PHACTR1: variants seen among roughly 807,000 people sequenced by gnomAD.
PHACTR1 encodes the protein RPEL repeat containing 1.
In PHACTR1, 16 loss-of-function variants were observed where a neutral mutation model predicts 69.2. That is an observed-to-expected ratio of 0.23 (90% CI 0.16 to 0.35). PHACTR1 has a LOEUF of 0.35. Ranked by LOEUF, PHACTR1 falls within the 10% of genes least tolerant of loss-of-function variation. The probability of loss-of-function intolerance (pLI) is 1.00; values close to 1 mark genes in which losing one functional copy is unlikely to be tolerated. For synonymous variants in PHACTR1, 312 were observed against 284.5 expected (o/e 1.10, Z -0.97); for missense variants, 510 against 734.7 (o/e 0.69, Z 3.54).
At chr6:12,995,249 A>G (rs1336010760) in intron 4 of PHACTR1, among the ~76,000 whole-genome samples, 1 of 151,950 alleles carries the variant, frequency 6.6e-6, no homozygotes, top group African/African-American at 2.4e-5. Flanking sequence ...CTATTAAAAA[A>G]AAAAAACAGA....
At chr6:12,889,508 C>T (rs1582309667) in intron 4 of PHACTR1, among the ~76,000 whole-genome samples, 1 of 152,162 alleles carries the variant, frequency 6.6e-6, no homozygotes, top group South Asian at 2.1e-4. Flanking sequence ...ATTTTGTCGG[C>T]CTTCTCTCAA....
chr6:13,236,021 A>C (rs1259637999), intron 10 of PHACTR1, among the ~76,000 whole-genome samples: 1 of 152,102 alleles, frequency 6.6e-6, no homozygotes, highest in Non-Finnish European at 1.5e-5. Context: ...CCTCCCTGAC[A>C]TACTCCTTCC....
At chr6:12,740,583 G>C (rs936550177) in intron 3 of PHACTR1, among the ~76,000 whole-genome samples, 3 of 152,052 alleles carry the variant, frequency 2.0e-5, no homozygotes, top group African/African-American at 7.2e-5. Context: ...AAAAAAAATT[G>C]AGTTGAGCTA....
chr6:13,188,837 G>A (rs1763138258), intron 7 of PHACTR1, among the ~76,000 whole-genome samples: 1 of 152,200 alleles, frequency 6.6e-6, no homozygotes, highest in Non-Finnish European at 1.5e-5. Context: ...GGAGTTGTTG[G>A]CATCAGTTTC....
At chr6:12,821,483 A>G (rs9381415) in intron 4 of PHACTR1, among the ~76,000 whole-genome samples, 11 of 95,864 alleles carry the variant, frequency 1.1e-4, no homozygotes, top group East Asian at 5.3e-4. Context: ...AAAAAAAAAA[A>G]AGAGAGAGAG....
intron 4 of PHACTR1, among the ~76,000 whole-genome samples, chr6:12,922,229 C>T (rs968941468): frequency 6.6e-6 from 1 of 152,096 alleles, no homozygotes; most frequent in Non-Finnish European, 1.5e-5. Context: ...GATCTTGCTT[C>T]CTCATTCATT....
At chr6:12,767,683 A>G (rs1046959312) in intron 4 of PHACTR1, among the ~76,000 whole-genome samples, 2 of 152,214 alleles carry the variant, frequency 1.3e-5, no homozygotes, top group East Asian at 3.8e-4. Flanking sequence ...GTAGGGTAAT[A>G]CATGAGACTG....
Position 12,829,964 on chromosome 6 carries a change from A to AAGAGAGAGAGAGAGAGAG in PHACTR1, c.250+80190_250+80207dup, listed in dbSNP as rs149861206. The stretch of plus-strand genomic sequence containing the variant: ...CAGAGCAAGACTCCGTCAAGAAAGA[A>AAGAGAGAGAGAGAGAGAG]AGAGAGAGAGAGAGAGAGAGAGAGA... On this transcript the variant is annotated intron_variant, in intron 4 of 14. Coordinates refer to ENST00000332995, the MANE Select transcript of PHACTR1 (RefSeq NM_030948.6). Among the ~76,000 whole-genome samples the AAGAGAGAGAGAGAGAGAG allele has an allele frequency of 1.7e-3, 168 of 99,940 alleles. 9 individuals carry two copies. Among genetic ancestry groups the AAGAGAGAGAGAGAGAGAG allele is most frequent in the African/African-American group, 5.7e-3 (130 of 22,738 alleles). 65.6% of individuals were successfully genotyped at this position (99,940 alleles called of 152,430 possible).
At chr6:13,248,842 T>C (rs763721243) in intron 10 of PHACTR1, among the ~76,000 whole-genome samples, 46 of 152,166 alleles carry the variant, frequency 3.0e-4, no homozygotes, top group Non-Finnish European at 5.6e-4. Flanking sequence ...GACAGAAGAC[T>C]GGAAGCCACA....
chr6:12,853,817 G>C (rs1280841827), intron 4 of PHACTR1, among the ~76,000 whole-genome samples: 2 of 152,242 alleles, frequency 1.3e-5, no homozygotes, highest in Admixed American at 1.3e-4. Context: ...CTCAGGACAT[G>C]TGGGGATTAT....
intron 5 of PHACTR1, among the ~76,000 whole-genome samples, chr6:13,117,859 C>T (rs562318689): frequency 3.3e-5 from 5 of 152,288 alleles, no homozygotes; most frequent in African/African-American, 1.2e-4. Context: ...CCACCTAACG[C>T]AGAGCTCTGC....
At chr6:12,778,304 T>C (rs1451967731) in intron 4 of PHACTR1, among the ~76,000 whole-genome samples, 1 of 149,630 alleles carries the variant, frequency 6.7e-6, no homozygotes, top group Non-Finnish European at 1.5e-5. Flanking sequence ...TTAACAAAAC[T>C]AATTTAATGT....
chr6:13,286,974 A>G, intron 14 of PHACTR1, 89 bp from the exon 15 acceptor site: 1 of 1,448,576 alleles, frequency 6.9e-7, no homozygotes, highest in Non-Finnish European at 9.5e-7. Flanking sequence ...TCTCACGGTC[A>G]AGAACCTCCC....
intron 4 of PHACTR1, among the ~76,000 whole-genome samples, chr6:12,773,487 G>GTAT (rs1469230996): frequency 6.6e-6 from 1 of 152,104 alleles, no homozygotes; most frequent in East Asian, 1.9e-4. Flanking sequence ...TTCCCTGAAG[G>GTAT]TATAAGAAAT....
Position 13,179,705 on chromosome 6 carries a change from T to G in PHACTR1, c.497-2814T>G, listed in dbSNP as rs796440640. Among the ~76,000 whole-genome samples, 6 of 3,454 alleles carry G rather than the reference T, an allele frequency of 1.7e-3. No homozygotes were observed. The highest frequency in any genetic ancestry group is 2.0e-3 in the African/African-American group (6 of 2,982). The allele number at this position is 3,454 out of a possible 152,430, so 2.3% of individuals were successfully genotyped here. ...AGGTAGATAGATAAGTAGATAGAGATAGATAGATAGATAGATAGATAGATA... is the reference window on the plus strand; with the variant it reads ...AGGTAGATAGATAAGTAGATAGAGAGAGATAGATAGATAGATAGATAGATA... On this transcript the variant is annotated intron_variant, in intron 6 of 14. Transcript: ENST00000332995. The surrounding 1 kb of genome is among the most constrained non-coding windows in gnomAD (Gnocchi z 4.2).
At chr6:13,164,375 TCATTC>T (rs1199290372) in intron 6 of PHACTR1, among the ~76,000 whole-genome samples, 1 of 152,156 alleles carries the variant, frequency 6.6e-6, no homozygotes, top group African/African-American at 2.4e-5. Context: ...GCCTGGCTGG[TCATTC>T]CTCATTTTGC....
intron 4 of PHACTR1, among the ~76,000 whole-genome samples, chr6:13,040,836 T>A (rs1804026480): frequency 6.6e-6 from 1 of 152,200 alleles, no homozygotes; most frequent in Non-Finnish European, 1.5e-5. Flanking sequence ...ATATTGCTAT[T>A]CCCATTTTTT....
rs553746222 is a variant in PHACTR1 at position 12,862,956 on chromosome 6, G to C, written c.250+113166G>C. ...TGGAAGACATGGGTTCCACCCCAGA[G>C]CTACCCCTTACCACCTGTGTCCTTG... is the stretch of plus-strand genomic sequence containing the variant. On this transcript the variant is annotated intron_variant, in intron 4 of 14. Coordinates refer to ENST00000332995, the MANE Select transcript of PHACTR1 (RefSeq NM_030948.6). Among the ~76,000 whole-genome samples the C allele has an allele frequency of 2.6e-5, 4 of 152,324 alleles. No homozygotes were observed. The South Asian group carries it at 8.3e-4, about 32-fold the overall frequency.
chr6:12,823,119 T>C (rs1581923822), intron 4 of PHACTR1, among the ~76,000 whole-genome samples: 1 of 152,224 alleles, frequency 6.6e-6, no homozygotes, highest in African/African-American at 2.4e-5. Context: ...CGCCTAATTA[T>C]GGGGCCTCTG....
Sources: gnomAD v4.1 joint callset for allele counts (sites outside exome capture counted in the v4.1 genomes callset) on GRCh38, gnomAD v4.1.1 for gene constraint, Gnocchi (gnomAD v3.1) non-coding constraint, MANE v1.5 for transcripts, NCBI Gene and HGNC (gene_info 2026-07-23, HGNC 2026-07-21) for gene names.